Variants in ITGA8 observed in about 807,000 individuals in gnomAD.
ITGA8 encodes the protein integrin alpha-8.
In ITGA8, 91 loss-of-function variants were observed where a neutral mutation model predicts 142.3. That is an observed-to-expected ratio of 0.64 (90% confidence interval 0.54 to 0.76). ITGA8 has a LOEUF of 0.76. ITGA8 is among the 30% of genes least tolerant of loss of function. The pLI is 0.00. For synonymous variants in ITGA8, 505 were observed against 485.2 expected, an observed-to-expected ratio of 1.04 and a Z score of -0.54; for missense variants, 1,406 against 1,327.7, an observed-to-expected ratio of 1.06 and a Z score of -0.92.
chr10:15,626,820 G>A (rs530340057), intron 13 of ITGA8, among the ~76,000 whole-genome samples: 3 of 152,246 alleles, frequency 2.0e-5, no homozygotes, highest in African/African-American at 7.2e-5. Flanking sequence ...CAAAGAGAGA[G>A]GCTTAGAGGA....
intron 7 of ITGA8, 34 bp downstream of exon 7, chr10:15,672,590 A>G (rs748088263): frequency 5.1e-6 from 8 of 1,582,708 alleles, no homozygotes; most frequent in Non-Finnish European, 6.9e-6. Flanking sequence ...TTGTCTTTTG[A>G]AAAACCACAA....
At chr10:15,652,575 A>T (rs1834107979) in intron 11 of ITGA8, among the ~76,000 whole-genome samples, 1 of 152,104 alleles carries the variant, frequency 6.6e-6, no homozygotes, top group African/African-American at 2.4e-5. Context: ...TTTCTTTCCA[A>T]ATGACTAAAA....
intron 13 of ITGA8, among the ~76,000 whole-genome samples, chr10:15,619,886 G>A (rs746865960): frequency 2.6e-5 from 4 of 152,158 alleles, no homozygotes; most frequent in Admixed American, 6.5e-5. Flanking sequence ...ACTGATTCAC[G>A]ATGAATTATG....
At chr10:15,602,255 G>GT (rs1413022330) in intron 20 of ITGA8, among the ~76,000 whole-genome samples, 1 of 152,158 alleles carries the variant, frequency 6.6e-6, no homozygotes, top group African/African-American at 2.4e-5. Flanking sequence ...TTATCTGCAG[G>GT]TAAGTATTTG....
At chr10:15,642,594 T>C (rs1833890995) in intron 13 of ITGA8, among the ~76,000 whole-genome samples, 1 of 152,198 alleles carries the variant, frequency 6.6e-6, no homozygotes, top group Non-Finnish European at 1.5e-5. Context: ...TCCCCAGTAA[T>C]AACAACTAAC....
chr10:15,633,973 G>A (rs997656221), intron 13 of ITGA8, among the ~76,000 whole-genome samples: 2 of 152,242 alleles, frequency 1.3e-5, no homozygotes, highest in African/African-American at 2.4e-5. Flanking sequence ...CCTGTTCTGC[G>A]AAGTCTTGCT....
intron 6 of ITGA8, 91 bp from the exon 7 acceptor site, chr10:15,672,840 G>A (rs1834553181): frequency 7.5e-7 from 1 of 1,333,674 alleles, no homozygotes; most frequent in African/African-American, 1.5e-5. Context: ...AGCTATGGTG[G>A]AATTGCTTGC....
chr10:15,605,102 G>A (rs1428906491), intron 19 of ITGA8, among the ~76,000 whole-genome samples: 8 of 152,100 alleles, frequency 5.3e-5, no homozygotes, highest in African/African-American at 1.9e-4. Flanking sequence ...GGGAGGGAAA[G>A]AAACACAAAT....
intron 28 of ITGA8, among the ~76,000 whole-genome samples, chr10:15,526,026 A>G (rs1564335835): frequency 6.6e-6 from 1 of 152,184 alleles, no homozygotes; most frequent in Non-Finnish European, 1.5e-5. Flanking sequence ...TTTTAAGTTT[A>G]CATTGAAATG....
chr10:15,601,489 T>G (rs1267786841), intron 20 of ITGA8, among the ~76,000 whole-genome samples: 1 of 152,168 alleles, frequency 6.6e-6, no homozygotes, highest in Non-Finnish European at 1.5e-5. Context: ...GGTCTGGAGA[T>G]GGACAGTGCT....
At chr10:15,680,216 C>CTTTTTTTTTTTTTT (rs71374638) in intron 4 of ITGA8, among the ~76,000 whole-genome samples, 1 of 54,230 alleles carries the variant, frequency 1.8e-5, no homozygotes, top group African/African-American at 8.3e-5. Context: ...CCAGATGCTC[C>CTTTTTTTTTTTTTT]TTTTTTTTTT....
At chr10:15,690,811 T>C (rs1487808711) in intron 2 of ITGA8, among the ~76,000 whole-genome samples, 1 of 152,106 alleles carries the variant, frequency 6.6e-6, no homozygotes, top group South Asian at 2.1e-4. Flanking sequence ...AGAGAAACTA[T>C]ACTACTGCAC....
intron 9 of ITGA8, 48 bp from the exon 10 acceptor site, chr10:15,659,103 G>T: frequency 7.6e-7 from 1 of 1,324,336 alleles, no homozygotes; most frequent in Non-Finnish European, 1.0e-6. Flanking sequence ...CATAGAATTG[G>T]AGCCTTTTTT....
intron 4 of ITGA8, 41 bp from the exon 5 acceptor site, chr10:15,678,824 T>G (rs1287052596): frequency 1.5e-6 from 2 of 1,310,820 alleles, no homozygotes; most frequent in African/African-American, 1.5e-5. Context: ...ACGTTATCAT[T>G]CCTGAAATAT....
rs1833429859 is a variant in ITGA8 at position 15,618,241 on chromosome 10, AAAAAG to A, written c.1400-1687_1400-1683del. ...GAATCTAAAATAAATTTAAAAAAAG[AAAAAG>A]AAAACTGGACTTGGTAGAAATAAGG... On this transcript the variant is annotated intron_variant, in intron 13 of 29. Transcript: ENST00000378076. 2.6e-5 allele frequency among the ~76,000 whole-genome samples: 4 copies of A among 152,154 alleles called. No homozygotes were observed. The South Asian group carries it at 6.2e-4, about 24-fold the overall frequency.
chr10:15,578,016 A>G (rs1360728148), intron 23 of ITGA8, among the ~76,000 whole-genome samples: 1 of 152,146 alleles, frequency 6.6e-6, no homozygotes, highest in Non-Finnish European at 1.5e-5. Flanking sequence ...TAACTTGGAG[A>G]GATTCCATGT....
chr10:15,649,132 G>C (rs1476474105), intron 11 of ITGA8, among the ~76,000 whole-genome samples: 3 of 152,104 alleles, frequency 2.0e-5, no homozygotes, highest in Non-Finnish European at 4.4e-5. Flanking sequence ...AGTGAGGGTA[G>C]AGTGAGTGTC....
At chr10:15,703,866 T>C (rs1835210278) in intron 2 of ITGA8, among the ~76,000 whole-genome samples, 1 of 151,850 alleles carries the variant, frequency 6.6e-6, no homozygotes, top group Non-Finnish European at 1.5e-5. Flanking sequence ...AAGCCCCCCA[T>C]TGATTCAAGC....
chr10:15,586,678 A>G lies in ITGA8; in HGVS notation c.2292-14T>C. On this transcript the variant is annotated splice_polypyrimidine_tract_variant and intron_variant, in intron 22 of 29. Transcript: ENST00000378076. ...TCCTTGTTGGAACTAAAACACAAGG[A>G]CATGTGATTTAAATCTATCTGCTCA... is the stretch of plus-strand genomic sequence containing the variant. 1 of 1,528,792 alleles carries G rather than the reference A, an allele frequency of 6.5e-7. No individual in the cohort carries two copies. Among genetic ancestry groups the G allele is most frequent in the East Asian group, 2.3e-5 (1 of 44,390 alleles). The allele number at this position is 1,528,792 out of a possible 1,614,324, so 94.7% of individuals were successfully genotyped here.
Sources: allele counts gnomAD v4.1 joint callset (sites outside exome capture counted in the v4.1 genomes callset), GRCh38; gene constraint gnomAD v4.1.1; transcripts MANE v1.5; gene names NCBI Gene and HGNC (gene_info 2026-07-23, HGNC 2026-07-21).